Variants in PTPRD observed in about 807,000 individuals in gnomAD.
PTPRD encodes the protein protein tyrosine phosphatase receptor type D, also known as receptor-type tyrosine-protein phosphatase delta.
Under a neutral mutation model 214.5 loss-of-function variants are expected in PTPRD, and 34 were observed. The observed-to-expected ratio is 0.16, with a 90% confidence interval of 0.12 to 0.21. The LOEUF (loss-of-function observed/expected upper bound fraction) is 0.21. PTPRD is among the 10% of genes least tolerant of loss of function. The pLI is 1.00. For missense variants in PTPRD, 2,545 were observed against 2,398.7 expected (o/e 1.06, Z -1.27); for synonymous variants, 1,128 against 845.7 (o/e 1.33, Z -5.79).
intron 3 of PTPRD, among the ~76,000 whole-genome samples, chr9:10,147,301 A>G (rs866544955): frequency 6.6e-6 from 1 of 152,050 alleles, no homozygotes; most frequent in Non-Finnish European, 1.5e-5. Flanking sequence ...TTTAGGGTAC[A>G]TGTGCACGTT....
At chr9:9,752,553 CT>C (rs1247254205) in intron 6 of PTPRD, among the ~76,000 whole-genome samples, 3 of 151,812 alleles carry the variant, frequency 2.0e-5, no homozygotes, top group Admixed American at 6.6e-5. Flanking sequence ...TCCCGTGGAG[CT>C]TTTTAAATTA....
At chr9:8,472,688 A>C (rs927221691) in intron 30 of PTPRD, among the ~76,000 whole-genome samples, 2 of 151,722 alleles carry the variant, frequency 1.3e-5, no homozygotes, top group Non-Finnish European at 2.9e-5. Context: ...TTATAAAATA[A>C]TCTGGATGTA....
intron 11 of PTPRD, among the ~76,000 whole-genome samples, chr9:8,745,917 C>G (rs374126896): frequency 6.6e-6 from 1 of 152,070 alleles, no homozygotes; most frequent in African/African-American, 2.4e-5. Context: ...CCCGCCTCTA[C>G]CCCCAGAGTA....
intron 7 of PTPRD, among the ~76,000 whole-genome samples, chr9:9,688,627 G>A (rs954057358): frequency 1.3e-5 from 2 of 151,866 alleles, no homozygotes; most frequent in Non-Finnish European, 2.9e-5. Flanking sequence ...TGAAGACAAT[G>A]AATGCATATG....
chr9:9,944,960 T>C (rs2092335645), intron 4 of PTPRD, among the ~76,000 whole-genome samples: 1 of 151,650 alleles, frequency 6.6e-6, no homozygotes, highest in Non-Finnish European at 1.5e-5. Context: ...TGTAAAAGTC[T>C]AGAAAAGAGA....
At chr9:10,164,717 G>A (rs1474394517) in intron 3 of PTPRD, among the ~76,000 whole-genome samples, 1 of 151,476 alleles carries the variant, frequency 6.6e-6, no homozygotes, top group African/African-American at 2.4e-5. Context: ...ACACAAAAGA[G>A]TATATTTTAT....
At chr9:8,933,607 C>G (rs543480563) in intron 11 of PTPRD, among the ~76,000 whole-genome samples, 4 of 151,768 alleles carry the variant, frequency 2.6e-5, no homozygotes, top group Admixed American at 2.0e-4. Flanking sequence ...TTATTCTAAC[C>G]TAATACAGTT....
chr9:8,970,839 T>C (rs562724183), intron 11 of PTPRD, among the ~76,000 whole-genome samples: 2 of 151,814 alleles, frequency 1.3e-5, no homozygotes, highest in East Asian at 1.9e-4. Context: ...TACAGGTAGC[T>C]CATCTGAAGA....
chr9:10,201,805 T>C lies in PTPRD; in HGVS notation c.-545+139158A>G, dbSNP rs1277241985. ...GATTTGTCAACCATAAATAACATTT[T>C]AAGAACAAATACATTGAAAATACAT... On this transcript the variant is annotated intron_variant, in intron 3 of 45. Transcript: ENST00000381196. Among the ~76,000 whole-genome samples the C allele has an allele frequency of 3.3e-5, 5 of 152,082 alleles. No homozygotes were observed. The East Asian group carries it at 9.6e-4, about 29-fold the overall frequency.
intron 7 of PTPRD, among the ~76,000 whole-genome samples, chr9:9,637,279 C>A (rs993901082): frequency 6.6e-6 from 1 of 152,088 alleles, no homozygotes; most frequent in African/African-American, 2.4e-5. Context: ...GTCTGAAGTC[C>A]AGAGTTTCAT....
chr9:10,407,806 G>A (rs138012359), intron 2 of PTPRD, among the ~76,000 whole-genome samples: 25 of 151,570 alleles, frequency 1.6e-4, no homozygotes, highest in Admixed American at 5.3e-4. Context: ...CTGCTAGAAG[G>A]AAATTGTATT....
At chr9:10,278,580 T>C (rs934634108) in intron 3 of PTPRD, among the ~76,000 whole-genome samples, 5 of 152,078 alleles carry the variant, frequency 3.3e-5, no homozygotes, top group Non-Finnish European at 7.4e-5. Context: ...GTGTTGCTGC[T>C]CCAAAAAGTT....
intron 9 of PTPRD, among the ~76,000 whole-genome samples, chr9:9,340,646 G>A (rs898657174): frequency 6.6e-6 from 1 of 152,192 alleles, no homozygotes; most frequent in African/African-American, 2.4e-5. Flanking sequence ...GAACTAAAGA[G>A]CTATGAATTG....
chr9:8,494,617 A>G (rs2097220124), intron 26 of PTPRD, among the ~76,000 whole-genome samples: 1 of 152,246 alleles, frequency 6.6e-6, no homozygotes, highest in African/African-American at 2.4e-5. Context: ...GCTTGCTTCC[A>G]TCACCAAATT....
intron 11 of PTPRD, among the ~76,000 whole-genome samples, chr9:8,969,309 C>G (rs1341902912): frequency 6.6e-6 from 1 of 152,046 alleles, no homozygotes; most frequent in Admixed American, 6.6e-5. Context: ...GGAGAATGAT[C>G]TGGCAGTCCT....
chr9:9,713,374 C>G (rs1445404241), intron 7 of PTPRD, among the ~76,000 whole-genome samples: 2 of 152,116 alleles, frequency 1.3e-5, no homozygotes, highest in African/African-American at 4.8e-5. Context: ...TGTCACTCGT[C>G]CTCTTAGATA....
chr9:9,092,407 A>G (rs1398044318), intron 10 of PTPRD, among the ~76,000 whole-genome samples: 3 of 152,134 alleles, frequency 2.0e-5, no homozygotes, highest in Non-Finnish European at 2.9e-5. Context: ...TGCAGTAAAC[A>G]TATTAATGGT....
chr9:9,480,845 AT>A (rs2147086691), intron 8 of PTPRD, among the ~76,000 whole-genome samples: 1 of 152,250 alleles, frequency 6.6e-6, no homozygotes, highest in South Asian at 2.1e-4. Flanking sequence ...TGTCTCTGAT[AT>A]CATATTTGAA....
chr9:10,051,731 C>T (rs2097539095), intron 3 of PTPRD, among the ~76,000 whole-genome samples: 1 of 151,998 alleles, frequency 6.6e-6, no homozygotes, highest in Non-Finnish European at 1.5e-5. Flanking sequence ...TTCTTCTGTG[C>T]CAGGCACCCT....
Sources: allele counts gnomAD v4.1 joint callset (sites outside exome capture counted in the v4.1 genomes callset), GRCh38; gene constraint gnomAD v4.1.1; transcripts MANE v1.5; gene names NCBI Gene and HGNC (gene_info 2026-07-23, HGNC 2026-07-21).